BTBD2: variants seen among roughly 807,000 people sequenced by gnomAD.
BTBD2 encodes BTB domain containing 2.
BTBD2 carries 15 observed loss-of-function variants against 44.0 expected under a neutral mutation model. The ratio of observed to expected loss-of-function variants is 0.34; its 90% CI spans 0.23 to 0.53. The LOEUF is 0.53. Among genes scored for constraint, BTBD2 ranks in the 20% least tolerant of loss-of-function variants. BTBD2 has a pLI of 0.95. For missense variants in BTBD2, 657 were observed against 746.4 expected, an observed-to-expected ratio of 0.88 and a Z score of 1.39; for synonymous variants, 443 against 335.9, an observed-to-expected ratio of 1.32 and a Z score of -3.49.
chr19:2,011,737 G>A (rs1436027709), intron 1 of BTBD2, among the ~76,000 whole-genome samples: 3 of 151,986 alleles, frequency 2.0e-5, no homozygotes, highest in Middle Eastern at 3.2e-3. Context: ...CTGCCACCCC[G>A]GAGACAGACC....
At position 2,015,366 on chromosome 19, in the gene BTBD2, T is replaced by C. The variant is rs1017828914; in HGVS notation, c.338A>G (p.Asn113Ser). Residue 113 changes from asparagine to serine, a missense_variant, in exon 1 of 9, where the codon AAC (asparagine) becomes AGC (serine). Coordinates refer to ENST00000255608, the MANE Select transcript of BTBD2 (RefSeq NM_017797.4). ...VQERFAFLFN[N>S]EVLCDVHFLV... ...GAAGTGCACGTCGCACAGCACCTCGTTGTTGAAGAGGAAGGCGAAGCGCTC... is the reference window on the plus strand; with the variant it reads ...GAAGTGCACGTCGCACAGCACCTCGCTGTTGAAGAGGAAGGCGAAGCGCTC... 2 of 1,584,984 alleles carry C rather than the reference T, an allele frequency of 1.3e-6. No homozygotes were observed. Among genetic ancestry groups the C allele is most frequent in the African/African-American group, 1.4e-5 (1 of 73,348 alleles).
In BTBD2 at chr19:2,005,087, TG is replaced by T. The variant is rs1386772236; in HGVS notation, c.408-7625del. ...TGCCTGTCTCGGCCTCCCAAAGTGC[TG>T]GGATTACAGGCGTGAGCCACTGCGC... On this transcript the variant is annotated intron_variant, in intron 1 of 8. Transcript: ENST00000255608. 2.0e-5 allele frequency among the ~76,000 whole-genome samples: 3 copies of T among 152,126 alleles called. No homozygotes were observed. In the East Asian group the frequency reaches 5.8e-4, roughly 29 times the overall value.
intron 5 of BTBD2, chr19:1,989,722 C>G (rs919592045): frequency 4.2e-6 from 2 of 477,804 alleles, no homozygotes; most frequent in Non-Finnish European, 7.7e-6. Context: ...CACAAGGGCG[C>G]GAGACGGGGA....
intron 1 of BTBD2, among the ~76,000 whole-genome samples, chr19:2,000,774 G>A (rs149661244): frequency 1.3e-5 from 2 of 152,198 alleles, no homozygotes; most frequent in Non-Finnish European, 2.9e-5. Flanking sequence ...TCCCAACTCC[G>A]AACGGGGGAA....
chr19:1,999,968 CA>C (rs5826753), intron 1 of BTBD2, among the ~76,000 whole-genome samples: 58,635 of 104,676 alleles, frequency 0.56, 14,158 homozygotes, highest in African/African-American at 0.72. Context: ...GACTCCACCT[CA>C]AAAAAAAAAA....
At position 1,986,149 on chromosome 19, in the gene BTBD2, C is replaced by T. The variant is rs554680876; in HGVS notation, c.*339G>A. The T allele has an allele frequency of 3.8e-5, 13 of 345,062 alleles. 1 individual carries two copies. The highest frequency in any genetic ancestry group is 2.6e-4 in the Admixed American group (6 of 23,064). The allele number at this position is 345,062 out of a possible 1,614,324, so 21.4% of individuals were successfully genotyped here. A position where few individuals can be genotyped will look rare whatever the true frequency, so the allele number is the denominator to read the frequency against. ...AGTGAAGAGACGCGAGGGACGCCCG[C>T]GGCGCACCGCCGGCAGACGACGTGG... is the stretch of plus-strand genomic sequence containing the variant. On this transcript the variant is annotated 3_prime_UTR_variant, in exon 9 of 9. Transcript: ENST00000255608.
intron 1 of BTBD2, among the ~76,000 whole-genome samples, chr19:2,009,267 T>C (rs1435924660): frequency 6.6e-6 from 1 of 151,730 alleles, no homozygotes; most frequent in Non-Finnish European, 1.5e-5. Flanking sequence ...GGCGTGATCT[T>C]GGCTCACTGC....
intron 1 of BTBD2, among the ~76,000 whole-genome samples, chr19:2,012,434 G>C (rs760144739): frequency 6.6e-6 from 1 of 152,186 alleles, no homozygotes; most frequent in Non-Finnish European, 1.5e-5. Context: ...CCAGGCGTGC[G>C]CCCCCGCACC....
chr19:1,993,605 G>A (rs1365008298), intron 2 of BTBD2, among the ~76,000 whole-genome samples: 1 of 151,978 alleles, frequency 6.6e-6, no homozygotes, highest in Non-Finnish European at 1.5e-5. Flanking sequence ...AACCCAACAC[G>A]CTAATTAGGA....
intron 2 of BTBD2, among the ~76,000 whole-genome samples, chr19:1,993,773 A>C (rs1011782263): frequency 1.1e-4 from 17 of 151,894 alleles, no homozygotes; most frequent in African/African-American, 4.1e-4. Context: ...AGGCGGGCAG[A>C]TCGCCTGAGG....
At position 2,015,436 on chromosome 19, in the gene BTBD2, G is replaced by A. The variant is rs372144379; in HGVS notation, c.268C>T (p.Arg90Cys). 2.5e-4 allele frequency: 370 copies of A among 1,461,656 alleles called. No homozygotes were observed. Among genetic ancestry groups the A allele is most frequent in the Non-Finnish European group, 3.2e-4 (352 of 1,108,730 alleles). 90.5% of individuals were successfully genotyped at this position (1,461,656 alleles called of 1,614,324 possible). The change falls in exon 1 of 9, where the codon CGC (arginine) becomes TGC (cysteine). Residue 90 changes from arginine to cysteine, a missense_variant. Transcript: ENST00000255608. ...AAGPGAAALQ[R>C]EAAYNWQASK... ...GCCTGCCAGTTGTACGCGGCCTCGC[G>A]CTGCAGCGCCGCCGCCCCCGGGCCC...
At chr19:1,988,791 C>T (rs539516636) in intron 5 of BTBD2, among the ~76,000 whole-genome samples, 9 of 151,830 alleles carry the variant, frequency 5.9e-5, no homozygotes, top group Non-Finnish European at 1.0e-4. Flanking sequence ...TTAGTAGAGA[C>T]GGGGTTTCAC....
At chr19:2,010,785 C>T (rs532574334) in intron 1 of BTBD2, among the ~76,000 whole-genome samples, 1 of 152,126 alleles carries the variant, frequency 6.6e-6, no homozygotes, top group South Asian at 2.1e-4. Context: ...ATTACAGGTG[C>T]GTGCCACCGC....
Position 1,986,811 on chromosome 19 carries a change from C to A in BTBD2, c.1416+19G>T. ...GGCCAGAGACTCCCACGGAGGGACC[C>A]CTGTCCCCGGCGGCGCACCTTGAGC... On this transcript the variant is annotated intron_variant, in intron 8 of 8. Transcript: ENST00000255608. The A allele has an allele frequency of 6.3e-7, 1 of 1,594,040 alleles. No homozygotes were observed.
intron 1 of BTBD2, among the ~76,000 whole-genome samples, chr19:2,011,343 G>A (rs140156167): frequency 6.6e-6 from 1 of 152,148 alleles, no homozygotes; most frequent in East Asian, 1.9e-4. Flanking sequence ...GGAGTCTGCA[G>A]CTGCTACTCC....
At chr19:2,004,618 T>C (rs1286260088) in intron 1 of BTBD2, among the ~76,000 whole-genome samples, 1 of 149,766 alleles carries the variant, frequency 6.7e-6, no homozygotes, top group African/African-American at 2.5e-5. Flanking sequence ...ACTTTCTAAA[T>C]TGACTGAGAC....
At chr19:2,009,206 T>C (rs1473336180) in intron 1 of BTBD2, among the ~76,000 whole-genome samples, 3 of 150,186 alleles carry the variant, frequency 2.0e-5, no homozygotes, top group African/African-American at 4.9e-5. Context: ...TTTTCTTTTT[T>C]CTTCTTTTTT....
rs763042847 is a variant in BTBD2 at position 1,993,057 on chromosome 19, T to G, written c.647A>C (p.Asn216Thr). 1 of 1,558,262 alleles carries G rather than the reference T, an allele frequency of 6.4e-7. No homozygotes were observed. The highest frequency in any genetic ancestry group is 1.1e-5 in the South Asian group (1 of 89,956). Reference protein sequence around the residue: ...EAHCVEFLKKNLRADNAFMLL... With the variant: ...EAHCVEFLKKTLRADNAFMLL... ...CATGAAGGCGTTGTCGGCTCGCAGG[T>G]TCTTCTTCAGGAACTCCACGCAATG... Residue 216 changes from asparagine to threonine, a missense_variant, in exon 3 of 9, where the codon AAC (asparagine) becomes ACC (threonine). By Grantham distance (65) the Asn-to-Thr change is moderately conservative (BLOSUM62 0). This residue lies in a region of BTBD2 where 449 missense variants were observed against 510.9 expected (regional missense o/e 0.88). Coordinates refer to ENST00000255608, the MANE Select transcript of BTBD2 (RefSeq NM_017797.4).
At chr19:1,987,800 G>A in intron 5 of BTBD2, 108 bp from the exon 6 acceptor site, 1 of 1,193,104 alleles carries the variant, frequency 8.4e-7, no homozygotes, top group Non-Finnish European at 1.1e-6. Context: ...GACTTTCAAG[G>A]TGCAGGGACC....
Sources: gnomAD v4.1 joint callset for allele counts (sites outside exome capture counted in the v4.1 genomes callset) on GRCh38, gnomAD v4.1.1 for gene constraint, gnomAD v4.1.1 regional missense constraint, MANE v1.5 for transcripts, NCBI Gene and HGNC (gene_info 2026-07-23, HGNC 2026-07-21) for gene names.